Variants in TNIK observed in about 807,000 individuals in gnomAD.
The protein encoded by TNIK is TRAF2 and NCK interacting kinase, also known as TRAF2 and NCK-interacting protein kinase.
A neutral mutation model predicts 191.3 loss-of-function variants in TNIK; 49 were observed. The ratio of observed to expected loss-of-function variants is 0.26; its 90% confidence interval spans 0.20 to 0.32. TNIK has a LOEUF of 0.32. Ranked by LOEUF, TNIK falls within the 10% of genes least tolerant of loss-of-function variation. TNIK has a pLI of 1.00. For missense variants in TNIK, 1,155 were observed against 1,702.3 expected (o/e 0.68, Z 5.66); for synonymous variants, 594 against 600.9 (o/e 0.99, Z 0.17).
chr3:171,225,904 T>C (rs1047336719), intron 3 of TNIK, among the ~76,000 whole-genome samples: 5 of 152,182 alleles, frequency 3.3e-5, no homozygotes, highest in African/African-American at 9.7e-5. Context: ...CAACCATTAA[T>C]TGTTAAACTG....
At chr3:171,380,506 A>G (rs1239919260) in intron 1 of TNIK, among the ~76,000 whole-genome samples, 1 of 152,230 alleles carries the variant, frequency 6.6e-6, no homozygotes, top group East Asian at 1.9e-4. Flanking sequence ...CAGACCAATG[A>G]CACGTTATTT....
At chr3:171,161,391 G>A in intron 10 of TNIK, 55 bp from the exon 11 acceptor site, 1 of 1,515,522 alleles carries the variant, frequency 6.6e-7, no homozygotes, top group Non-Finnish European at 9.1e-7. Flanking sequence ...GCTCAGTAAA[G>A]CCCAACCCCG....
chr3:171,230,712 G>A (rs561477088), intron 2 of TNIK, among the ~76,000 whole-genome samples: 1 of 152,194 alleles, frequency 6.6e-6, no homozygotes, highest in African/African-American at 2.4e-5. Context: ...ACAGTACTCT[G>A]TCCTCTGATA....
intron 1 of TNIK, among the ~76,000 whole-genome samples, chr3:171,420,183 G>C (rs985804069): frequency 6.6e-6 from 1 of 152,206 alleles, no homozygotes. Flanking sequence ...AGGCCCAACT[G>C]TCCCTGGGCC....
At chr3:171,434,579 T>C (rs1325860251) in intron 1 of TNIK, among the ~76,000 whole-genome samples, 1 of 152,138 alleles carries the variant, frequency 6.6e-6, no homozygotes, top group Non-Finnish European at 1.5e-5. Flanking sequence ...TACCTCAGCC[T>C]CCTGAGAAGC....
At chr3:171,067,736 A>G (rs910502857) in intron 30 of TNIK, among the ~76,000 whole-genome samples, 2 of 152,078 alleles carry the variant, frequency 1.3e-5, no homozygotes, top group African/African-American at 2.4e-5. Context: ...AGGAAAGGAA[A>G]TGTGATGTTG....
At chr3:171,417,699 A>T (rs556656397) in intron 1 of TNIK, among the ~76,000 whole-genome samples, 54 of 152,270 alleles carry the variant, frequency 3.5e-4, no homozygotes, top group African/African-American at 1.2e-3. Flanking sequence ...TGCTCACTGA[A>T]CTTCAATAAG....
Position 171,128,737 on chromosome 3 carries a change from T to C in TNIK, c.1750A>G (p.Met584Val). The C allele has an allele frequency of 6.2e-7, 1 of 1,613,362 alleles. No homozygotes were observed. Among genetic ancestry groups the C allele is most frequent in the Non-Finnish European group, 8.5e-7 (1 of 1,179,722 alleles). The change falls in exon 16 of 33, where the codon ATG (methionine) becomes GTG (valine). Residue 584 changes from methionine (M) to valine (V), a missense_variant. Physicochemically the swap from Met to Val is conservative, Grantham distance 21. Around this residue, in one of 3 missense-constraint regions of TNIK, gnomAD observed 735 missense variants for 848.0 expected, o/e 0.87. Coordinates refer to ENST00000436636, the MANE Select transcript of TNIK (RefSeq NM_015028.4). Reference protein sequence around the residue: ...SGVQPARTPPMLRPVDPQIPH... With the variant: ...SGVQPARTPPVLRPVDPQIPH... ...ACCTGGGGATCGACTGGTCTGAGCATGGGGGGTGTTCGAGCAGGCTGAACT... is the reference window on the plus strand; with the variant it reads ...ACCTGGGGATCGACTGGTCTGAGCACGGGGGGTGTTCGAGCAGGCTGAACT...
intron 18 of TNIK, among the ~76,000 whole-genome samples, chr3:171,115,017 T>C (rs187895587): frequency 1.3e-5 from 2 of 152,360 alleles, no homozygotes; most frequent in East Asian, 3.9e-4. Flanking sequence ...AAAATTATTA[T>C]GCATAATTAA....
chr3:171,345,722 T>TC (rs1245004650), intron 2 of TNIK, among the ~76,000 whole-genome samples: 2 of 152,168 alleles, frequency 1.3e-5, no homozygotes, highest in African/African-American at 4.8e-5. Context: ...GGACTTTTTT[T>TC]CCCCTTCCTT....
intron 2 of TNIK, among the ~76,000 whole-genome samples, chr3:171,272,827 A>T (rs1749280965): frequency 6.6e-6 from 1 of 152,140 alleles, no homozygotes. Flanking sequence ...GGCAGTTCAT[A>T]TATCTCCATT....
chr3:171,236,293 C>T (rs1410310088), intron 2 of TNIK, among the ~76,000 whole-genome samples: 13 of 152,144 alleles, frequency 8.5e-5, no homozygotes, highest in African/African-American at 2.2e-4. Context: ...TCTACTTCCG[C>T]GTGTCAGAAG....
At chr3:171,238,314 T>TAA (rs879859137) in intron 2 of TNIK, among the ~76,000 whole-genome samples, 40 of 141,592 alleles carry the variant, frequency 2.8e-4, no homozygotes, top group African/African-American at 9.0e-4. Context: ...ATCCTATCTC[T>TAA]AAAAAAAAAA....
intron 2 of TNIK, among the ~76,000 whole-genome samples, chr3:171,285,772 C>A (rs1750940283): frequency 6.6e-6 from 1 of 152,214 alleles, no homozygotes; most frequent in South Asian, 2.1e-4. Context: ...ATTACAATCA[C>A]TTGAAAGTTC....
chr3:171,246,376 T>C (rs537976185), intron 2 of TNIK, among the ~76,000 whole-genome samples: 1 of 152,282 alleles, frequency 6.6e-6, no homozygotes, highest in Non-Finnish European at 1.5e-5. Context: ...AAATAATAGA[T>C]AGTCTGTAAG....
chr3:171,421,020 A>G (rs1185913628), intron 1 of TNIK, among the ~76,000 whole-genome samples: 1 of 152,194 alleles, frequency 6.6e-6, no homozygotes, highest in East Asian at 1.9e-4. Context: ...TGAGTAACTG[A>G]AACTGTGGAA....
intron 2 of TNIK, among the ~76,000 whole-genome samples, chr3:171,230,769 C>T (rs967322597): frequency 1.3e-5 from 2 of 152,186 alleles, no homozygotes; most frequent in Admixed American, 1.3e-4. Flanking sequence ...ATGAACATGT[C>T]CCTGTGTGTA....
chr3:171,196,544 A>G (rs1411093508), intron 4 of TNIK, among the ~76,000 whole-genome samples: 2 of 152,204 alleles, frequency 1.3e-5, no homozygotes, highest in African/African-American at 4.8e-5. Context: ...AGACCAGGAT[A>G]CTAGTCAAGA....
chr3:171,117,050 T>A (rs1726825826), intron 18 of TNIK, among the ~76,000 whole-genome samples: 1 of 152,212 alleles, frequency 6.6e-6, no homozygotes, highest in Non-Finnish European at 1.5e-5. Flanking sequence ...ATAAAAAGCA[T>A]GTGATGACAC....
Sources: allele counts gnomAD v4.1 joint callset (sites outside exome capture counted in the v4.1 genomes callset), GRCh38; gene constraint gnomAD v4.1.1; regional missense constraint gnomAD v4.1.1; transcripts MANE v1.5; gene names NCBI Gene and HGNC (gene_info 2026-07-23, HGNC 2026-07-21).